Variants in SLC39A11 observed in about 807,000 individuals in gnomAD.
SLC39A11 encodes zinc transporter ZIP11.
Under a neutral mutation model 36.1 loss-of-function variants are expected in SLC39A11, and 33 were observed. The observed-to-expected ratio is 0.91, with a 90% CI of 0.69 to 1.22. The LOEUF (loss-of-function observed/expected upper bound fraction) is 1.22. SLC39A11 is among the 50% of genes most tolerant of loss of function. The pLI is 0.00. For missense variants in SLC39A11, 432 were observed against 430.3 expected, an observed-to-expected ratio of 1.00 and a Z score of -0.03; for synonymous variants, 166 against 170.3, an observed-to-expected ratio of 0.97 and a Z score of 0.20.
intron 4 of SLC39A11, among the ~76,000 whole-genome samples, chr17:73,012,760 GTTTAT>G (rs970569334): frequency 6.6e-5 from 10 of 151,618 alleles, no homozygotes; most frequent in Non-Finnish European, 1.2e-4. Context: ...TGTACCCAAT[GTTTAT>G]TTTATTTTAT....
intron 3 of SLC39A11, among the ~76,000 whole-genome samples, chr17:73,033,763 A>G (rs2058815979): frequency 2.6e-5 from 4 of 152,244 alleles, no homozygotes; most frequent in African/African-American, 9.6e-5. Flanking sequence ...GCCTTGCCTT[A>G]AAAAATCATC....
At chr17:72,837,310 G>C (rs1051928530) in intron 6 of SLC39A11, among the ~76,000 whole-genome samples, 1 of 144,222 alleles carries the variant, frequency 6.9e-6, no homozygotes, top group Non-Finnish European at 1.5e-5. Flanking sequence ...TTGACTTGGA[G>C]GAAAATTCAC....
At chr17:72,695,615 A>C (rs983785049) in intron 7 of SLC39A11, among the ~76,000 whole-genome samples, 7 of 143,700 alleles carry the variant, frequency 4.9e-5, no homozygotes, top group African/African-American at 1.5e-4. Context: ...ATTTATTTAC[A>C]AAAAAAAGGG....
intron 3 of SLC39A11, among the ~76,000 whole-genome samples, chr17:73,054,149 A>G (rs1289920855): frequency 2.0e-5 from 3 of 152,092 alleles, no homozygotes; most frequent in South Asian, 2.1e-4. Context: ...TGGACCACAC[A>G]GTCCGGAGTT....
intron 6 of SLC39A11, among the ~76,000 whole-genome samples, chr17:72,793,040 C>T (rs971018829): frequency 6.6e-6 from 1 of 152,100 alleles, no homozygotes; most frequent in African/African-American, 2.4e-5. Context: ...TTACAAAAGG[C>T]TTTATATTCA....
chr17:73,041,402 G>A (rs970892945), intron 3 of SLC39A11, among the ~76,000 whole-genome samples: 4 of 152,218 alleles, frequency 2.6e-5, no homozygotes, highest in Non-Finnish European at 5.9e-5. Flanking sequence ...AGAATAGCCA[G>A]GGAGCCTTTG....
chr17:72,743,927 C>T (rs780369892), intron 6 of SLC39A11, among the ~76,000 whole-genome samples: 12 of 152,178 alleles, frequency 7.9e-5, no homozygotes, highest in Non-Finnish European at 1.8e-4. Context: ...TCCGACTGAA[C>T]GCAGGGTGAG....
chr17:72,838,427 G>A (rs919656532), intron 6 of SLC39A11, among the ~76,000 whole-genome samples: 6 of 151,932 alleles, frequency 3.9e-5, no homozygotes, highest in African/African-American at 1.2e-4. Flanking sequence ...TGGGGGTCTC[G>A]TCATGTTGCC....
At chr17:73,084,764 T>G in intron 3 of SLC39A11, 44 bp downstream of exon 3, 4 of 1,606,606 alleles carry the variant, frequency 2.5e-6, no homozygotes, top group Non-Finnish European at 3.4e-6. Context: ...CATGTCAGAA[T>G]CAGTATGCCT....
Position 72,890,337 on chromosome 17 carries a change from A to G in SLC39A11, c.431-40533T>C, listed in dbSNP as rs547268577. On this transcript the variant is annotated intron_variant, in intron 5 of 9. Transcript: ENST00000255559. ...AGGAATGCAAAAAGAGTCCGTTGGT[A>G]TGGTCCCAGCAAGTTATAACTAGGG... is the stretch of plus-strand genomic sequence containing the variant. 2.6e-5 allele frequency among the ~76,000 whole-genome samples: 4 copies of G among 152,088 alleles called. No homozygotes were observed. The South Asian group carries it at 8.3e-4, about 32-fold the overall frequency.
chr17:72,855,125 G>A (rs945092673), intron 5 of SLC39A11, among the ~76,000 whole-genome samples: 3 of 152,162 alleles, frequency 2.0e-5, no homozygotes, highest in African/African-American at 7.2e-5. Flanking sequence ...TGAAAGTACG[G>A]CGAAAGTTAC....
intron 6 of SLC39A11, among the ~76,000 whole-genome samples, chr17:72,822,274 TATAG>T (rs1001708187): frequency 8.1e-5 from 12 of 147,282 alleles, no homozygotes; most frequent in Admixed American, 1.4e-4. Context: ...AGAGAATATA[TATAG>T]AGAGAGATTA....
intron 7 of SLC39A11, among the ~76,000 whole-genome samples, chr17:72,694,266 G>A (rs1235704113): frequency 6.6e-6 from 1 of 152,224 alleles, no homozygotes; most frequent in Non-Finnish European, 1.5e-5. Flanking sequence ...CCACCGGGCT[G>A]TGGAACATGT....
chr17:72,767,999 G>A (rs2075813639), intron 6 of SLC39A11, among the ~76,000 whole-genome samples: 1 of 152,170 alleles, frequency 6.6e-6, no homozygotes, highest in Non-Finnish European at 1.5e-5. Flanking sequence ...GGGTGGCTAG[G>A]CTTGCTGCTC....
intron 4 of SLC39A11, among the ~76,000 whole-genome samples, chr17:72,957,889 C>T (rs1362153662): frequency 6.6e-6 from 1 of 151,650 alleles, no homozygotes; most frequent in Non-Finnish European, 1.5e-5. Flanking sequence ...ATTCAGGAGG[C>T]TAAGGCAGGA....
At chr17:73,009,784 A>G (rs2090408433) in intron 4 of SLC39A11, among the ~76,000 whole-genome samples, 1 of 152,154 alleles carries the variant, frequency 6.6e-6, no homozygotes, top group East Asian at 1.9e-4. Flanking sequence ...CATGTGCACA[A>G]CGTGCAGGTT....
At chr17:72,873,055 A>C (rs2080724027) in intron 5 of SLC39A11, among the ~76,000 whole-genome samples, 1 of 140,524 alleles carries the variant, frequency 7.1e-6, no homozygotes. Flanking sequence ...ACTCCATCTC[A>C]AAAAAAAAAA....
intron 7 of SLC39A11, among the ~76,000 whole-genome samples, chr17:72,685,695 GA>G (rs1370357345): frequency 6.6e-6 from 1 of 152,144 alleles, no homozygotes; most frequent in African/African-American, 2.4e-5. Flanking sequence ...GGAATACAGG[GA>G]CATTTTCTGA....
intron 7 of SLC39A11, among the ~76,000 whole-genome samples, chr17:72,719,129 C>A (rs1045149580): frequency 6.6e-6 from 1 of 152,070 alleles, no homozygotes; most frequent in South Asian, 2.1e-4. Context: ...TGCCTGTAGT[C>A]CCAGCTATTT....
Sources: gnomAD v4.1 joint callset for allele counts (sites outside exome capture counted in the v4.1 genomes callset) on GRCh38, gnomAD v4.1.1 for gene constraint, MANE v1.5 for transcripts, NCBI Gene and HGNC (gene_info 2026-07-23, HGNC 2026-07-21) for gene names.